TMEM117: variants seen among roughly 807,000 people sequenced by gnomAD.
TMEM117 encodes transmembrane protein 117.
In TMEM117, 27 loss-of-function variants were observed where a neutral mutation model predicts 52.4. That is an observed-to-expected ratio of 0.51 (90% confidence interval 0.38 to 0.71). TMEM117 has a LOEUF of 0.71. Among genes scored for constraint, TMEM117 ranks in the 30% least tolerant of loss-of-function variants. The pLI is 0.00. For missense variants in TMEM117, 556 were observed against 630.5 expected (o/e 0.88, Z 1.26); for synonymous variants, 215 against 206.3 (o/e 1.04, Z -0.36).
chr12:44,001,648 A>G (rs148970466), intron 3 of TMEM117, among the ~76,000 whole-genome samples: 64 of 151,982 alleles, frequency 4.2e-4, no homozygotes, highest in African/African-American at 1.5e-3. Flanking sequence ...ATTGAAGACA[A>G]ATTCACAGCC....
intron 4 of TMEM117, among the ~76,000 whole-genome samples, chr12:44,184,352 A>C (rs1369205050): frequency 2.0e-5 from 3 of 152,118 alleles, no homozygotes; most frequent in Admixed American, 2.0e-4. Flanking sequence ...TTCAAAAATA[A>C]AGTAAAATAA....
intron 2 of TMEM117, among the ~76,000 whole-genome samples, chr12:43,865,948 T>A (rs1943589117): frequency 6.6e-6 from 1 of 151,796 alleles, no homozygotes; most frequent in South Asian, 2.1e-4. Context: ...TTAAAGTTTA[T>A]TGTACATACA....
chr12:44,148,801 T>A (rs1948681694), intron 4 of TMEM117, among the ~76,000 whole-genome samples: 1 of 152,206 alleles, frequency 6.6e-6, no homozygotes, highest in Admixed American at 6.5e-5. Context: ...GAAATATTTA[T>A]TTAAAGAATA....
intron 5 of TMEM117, among the ~76,000 whole-genome samples, chr12:44,231,032 C>G (rs1189235726): frequency 6.6e-6 from 1 of 151,906 alleles, no homozygotes; most frequent in Non-Finnish European, 1.5e-5. Context: ...CCCTGTGTAT[C>G]CTCTACTGCC....
At chr12:44,264,837 C>G (rs536795881) in intron 5 of TMEM117, among the ~76,000 whole-genome samples, 4 of 152,060 alleles carry the variant, frequency 2.6e-5, no homozygotes, top group African/African-American at 9.7e-5. Flanking sequence ...CTAGCATATA[C>G]TACAGCTTTT....
chr12:43,898,028 GCACACA>G (rs10604495), intron 2 of TMEM117, among the ~76,000 whole-genome samples: 8 of 143,496 alleles, frequency 5.6e-5, no homozygotes, highest in South Asian at 2.2e-4. Flanking sequence ...ATGCACATGC[GCACACA>G]CACACACACG....
intron 3 of TMEM117, among the ~76,000 whole-genome samples, chr12:44,090,351 A>G (rs1947642007): frequency 6.6e-6 from 1 of 151,308 alleles, no homozygotes; most frequent in Non-Finnish European, 1.5e-5. Flanking sequence ...TCCAGGGTTT[A>G]TTGTTCCTGT....
chr12:44,150,655 GTATAAATATTTTAATGTCTC>G (rs1948709135), intron 4 of TMEM117, among the ~76,000 whole-genome samples: 2 of 152,158 alleles, frequency 1.3e-5, no homozygotes, highest in Admixed American at 6.5e-5. Context: ...GCTTTTGCAT[GTATAAATATTTTAATGTCTC>G]TATAAATATT....
intron 4 of TMEM117, among the ~76,000 whole-genome samples, chr12:44,144,447 A>G (rs1948613445): frequency 6.6e-6 from 1 of 152,234 alleles, no homozygotes; most frequent in Non-Finnish European, 1.5e-5. Flanking sequence ...ATGAGGAGAT[A>G]TACCAGAAGG....
intron 3 of TMEM117, among the ~76,000 whole-genome samples, chr12:44,007,165 T>C (rs1441520048): frequency 6.6e-6 from 1 of 152,202 alleles, no homozygotes; most frequent in African/African-American, 2.4e-5. Context: ...TACAAAACTA[T>C]ACCTAAGCAT....
intron 2 of TMEM117, among the ~76,000 whole-genome samples, chr12:43,932,252 A>G (rs1185505185): frequency 6.6e-6 from 1 of 151,622 alleles, no homozygotes; most frequent in Non-Finnish European, 1.5e-5. Flanking sequence ...ACTACCTCAT[A>G]TAATAATTTA....
At chr12:43,862,924 G>A (rs1007511169) in intron 2 of TMEM117, among the ~76,000 whole-genome samples, 8 of 152,054 alleles carry the variant, frequency 5.3e-5, no homozygotes, top group Non-Finnish European at 1.0e-4. Context: ...CTGAGATTAC[G>A]CACTGCACTC....
At chr12:44,228,155 C>A (rs1949887210) in intron 5 of TMEM117, among the ~76,000 whole-genome samples, 1 of 151,842 alleles carries the variant, frequency 6.6e-6, no homozygotes, top group Non-Finnish European at 1.5e-5. Context: ...AATAGAAGCA[C>A]AATATGATTT....
chr12:44,052,364 A>T (rs920590306), intron 3 of TMEM117, among the ~76,000 whole-genome samples: 1 of 152,252 alleles, frequency 6.6e-6, no homozygotes, highest in African/African-American at 2.4e-5. Flanking sequence ...CAGGGCAATA[A>T]TCCAGCCTCC....
At chr12:43,956,227 C>A (rs1945303318) in intron 3 of TMEM117, among the ~76,000 whole-genome samples, 1 of 152,130 alleles carries the variant, frequency 6.6e-6, no homozygotes, top group South Asian at 2.1e-4. Context: ...AGGACATAGG[C>A]ATGGGCAAAG....
At chr12:44,226,529 A>T (rs909505740) in intron 5 of TMEM117, among the ~76,000 whole-genome samples, 1 of 132,368 alleles carries the variant, frequency 7.6e-6, no homozygotes, top group Non-Finnish European at 1.6e-5. Flanking sequence ...GTGTGTACAC[A>T]TATAATATAC....
At chr12:44,127,599 A>G (rs1391643219) in intron 3 of TMEM117, among the ~76,000 whole-genome samples, 3 of 151,968 alleles carry the variant, frequency 2.0e-5, no homozygotes, top group African/African-American at 7.3e-5. Flanking sequence ...TTGCTTAAAC[A>G]TGGGAGGCTG....
At chr12:43,917,472 CT>C (rs1944625320) in intron 2 of TMEM117, among the ~76,000 whole-genome samples, 1 of 152,014 alleles carries the variant, frequency 6.6e-6, no homozygotes, top group South Asian at 2.1e-4. Flanking sequence ...GAAGTGGTTA[CT>C]ATTATTACCC....
chr12:44,156,876 A>C (rs1230521733), intron 4 of TMEM117, among the ~76,000 whole-genome samples: 2 of 152,052 alleles, frequency 1.3e-5, no homozygotes, highest in Non-Finnish European at 2.9e-5. Flanking sequence ...TAGCCTCCAG[A>C]GTTAAGTCTA....
Sources: gnomAD v4.1 joint callset for allele counts (sites outside exome capture counted in the v4.1 genomes callset) on GRCh38, gnomAD v4.1.1 for gene constraint, MANE v1.5 for transcripts, NCBI Gene and HGNC (gene_info 2026-07-23, HGNC 2026-07-21) for gene names.